SORCS1: variants seen among roughly 807,000 people sequenced by gnomAD.
SORCS1 encodes VPS10 domain-containing receptor SorCS1.
SORCS1 carries 60 observed loss-of-function variants against 146.1 expected under a neutral mutation model. That is an observed-to-expected ratio of 0.41 (90% CI 0.33 to 0.51). The LOEUF is 0.51. SORCS1 is among the 20% of genes least tolerant of loss of function. SORCS1 has a pLI of 0.21. For synonymous variants in SORCS1, 637 were observed against 584.0 expected (o/e 1.09, Z -1.31); for missense variants, 1,352 against 1,487.6 (o/e 0.91, Z 1.50).
intron 1 of SORCS1, among the ~76,000 whole-genome samples, chr10:106,988,590 T>C (rs1055697062): frequency 6.6e-6 from 1 of 152,110 alleles, no homozygotes; most frequent in Non-Finnish European, 1.5e-5. Flanking sequence ...TTAAGGCTAA[T>C]GTGGGACAGC....
intron 1 of SORCS1, among the ~76,000 whole-genome samples, chr10:106,998,999 C>T (rs1002524662): frequency 6.6e-6 from 1 of 152,176 alleles, no homozygotes; most frequent in Non-Finnish European, 1.5e-5. Flanking sequence ...TGAGGTTGGT[C>T]AGAGGTGACT....
At chr10:107,036,448 C>T (rs1038537913) in intron 1 of SORCS1, among the ~76,000 whole-genome samples, 2 of 152,118 alleles carry the variant, frequency 1.3e-5, no homozygotes, top group Non-Finnish European at 2.9e-5. Context: ...AGTCTTGAAC[C>T]AGTGCCAGTA....
intron 3 of SORCS1, among the ~76,000 whole-genome samples, chr10:106,812,341 G>A (rs529394218): frequency 6.6e-4 from 100 of 152,110 alleles, no homozygotes; most frequent in Non-Finnish European, 1.1e-3. Context: ...CACCATACGT[G>A]GGAATGTTCT....
intron 2 of SORCS1, among the ~76,000 whole-genome samples, chr10:106,951,145 T>C (rs778005638): frequency 6.6e-6 from 1 of 152,108 alleles, no homozygotes; most frequent in African/African-American, 2.4e-5. Context: ...TCAATACAAT[T>C]ACATAAGGAG....
At chr10:107,154,008 C>CTTTTTTTTTTTTTT (rs71025579) in intron 1 of SORCS1, among the ~76,000 whole-genome samples, 15 of 94,034 alleles carry the variant, frequency 1.6e-4, no homozygotes, top group Admixed American at 2.5e-4. Context: ...CTTTTCTTTT[C>CTTTTTTTTTTTTTT]TTTTTTTTTT....
At chr10:107,152,720 G>A (rs538268659) in intron 1 of SORCS1, among the ~76,000 whole-genome samples, 6 of 152,132 alleles carry the variant, frequency 3.9e-5, no homozygotes, top group South Asian at 4.2e-4. Flanking sequence ...CCTCACTGGC[G>A]ACACCGAACT....
At chr10:107,165,262 G>C (rs1397014656), upstream of SORCS1, among the ~76,000 whole-genome samples, 1 of 148,958 alleles carries the variant, frequency 6.7e-6, no homozygotes, top group African/African-American at 2.5e-5. The surrounding 1 kb of genome is among the most constrained non-coding windows in gnomAD (Gnocchi z 4.0). Context: ...CAGCAGCAGA[G>C]AGTGATGTAA....
intron 8 of SORCS1, among the ~76,000 whole-genome samples, chr10:106,701,536 C>A (rs1014875129): frequency 2.6e-5 from 4 of 152,146 alleles, no homozygotes; most frequent in Non-Finnish European, 4.4e-5. Context: ...TCCAGATCTG[C>A]TGGAGATATA....
intron 2 of SORCS1, among the ~76,000 whole-genome samples, chr10:106,856,937 G>C (rs1352025512): frequency 3.3e-5 from 5 of 152,202 alleles, no homozygotes; most frequent in Non-Finnish European, 1.5e-5. Context: ...GATCTGAACA[G>C]AGTTGTTAAT....
chr10:106,584,142 A>G (rs1229558965), intron 24 of SORCS1, among the ~76,000 whole-genome samples: 1 of 152,162 alleles, frequency 6.6e-6, no homozygotes, highest in Non-Finnish European at 1.5e-5. Context: ...TGTGGTCTGA[A>G]ATATTTTTTC....
At position 106,707,466 on chromosome 10, in the gene SORCS1, G is replaced by C. The variant is rs761952491; in HGVS notation, c.1144-832C>G. On this transcript the variant is annotated intron_variant, in intron 7 of 25. Coordinates refer to ENST00000263054, the MANE Select transcript of SORCS1 (RefSeq NM_052918.5). The stretch of plus-strand genomic sequence containing the variant: ...TCTGCCCGCCTCGGCCTCCCAAAAT[G>C]CTGGGATTACAGGCATGACCCACTG... 2.0e-5 allele frequency among the ~76,000 whole-genome samples: 3 copies of C among 152,246 alleles called. No individual in the cohort carries two copies. In the South Asian group the frequency reaches 6.2e-4, roughly 32 times the overall value.
chr10:106,796,418 T>C (rs2136581730), intron 3 of SORCS1, among the ~76,000 whole-genome samples: 1 of 152,270 alleles, frequency 6.6e-6, no homozygotes, highest in Admixed American at 6.5e-5. Flanking sequence ...TTCTCACCAG[T>C]CCCTTTATCA....
At chr10:106,717,943 C>G (rs1040894863) in intron 6 of SORCS1, among the ~76,000 whole-genome samples, 1 of 152,174 alleles carries the variant, frequency 6.6e-6, no homozygotes, top group East Asian at 1.9e-4. Flanking sequence ...TCACACAGAG[C>G]TGTGGACTTG....
intron 1 of SORCS1, among the ~76,000 whole-genome samples, chr10:107,039,715 C>T (rs971350022): frequency 3.3e-5 from 5 of 152,214 alleles, no homozygotes; most frequent in Non-Finnish European, 1.5e-5. Flanking sequence ...AGACATCTTC[C>T]ACCACTGCAA....
intron 1 of SORCS1, among the ~76,000 whole-genome samples, chr10:107,158,608 T>A (rs1969476533): frequency 6.6e-6 from 1 of 152,210 alleles, no homozygotes. Flanking sequence ...TGCTGTCTCT[T>A]AAGAAGTTTC....
At chr10:107,143,812 C>T (rs1293295030) in intron 1 of SORCS1, among the ~76,000 whole-genome samples, 1 of 151,868 alleles carries the variant, frequency 6.6e-6, no homozygotes, top group Non-Finnish European at 1.5e-5. Flanking sequence ...CCTAATTTTC[C>T]TATTTTTTTT....
intron 1 of SORCS1, among the ~76,000 whole-genome samples, chr10:106,990,803 AAC>A (rs1331297151): frequency 7.2e-5 from 11 of 152,352 alleles, no homozygotes; most frequent in African/African-American, 1.2e-4. Context: ...GTTAAAATTA[AAC>A]AGACAAAAAC....
At chr10:106,887,552 A>G (rs1192053700) in intron 2 of SORCS1, among the ~76,000 whole-genome samples, 2 of 152,174 alleles carry the variant, frequency 1.3e-5, no homozygotes, top group Non-Finnish European at 2.9e-5. Flanking sequence ...ACTCCAGCCT[A>G]CACGATGGAG....
At chr10:106,610,512 A>C (rs1846905571) in intron 22 of SORCS1, among the ~76,000 whole-genome samples, 2 of 152,184 alleles carry the variant, frequency 1.3e-5, no homozygotes, top group Admixed American at 1.3e-4. Context: ...AAAGGTAATG[A>C]AGACAGGGAA....
Sources: gnomAD v4.1 joint callset for allele counts (sites outside exome capture counted in the v4.1 genomes callset) on GRCh38, gnomAD v4.1.1 for gene constraint, Gnocchi (gnomAD v3.1) non-coding constraint, MANE v1.5 for transcripts, NCBI Gene and HGNC (gene_info 2026-07-23, HGNC 2026-07-21) for gene names.